Variants in TMEM45B observed in about 807,000 individuals in gnomAD.
The protein encoded by TMEM45B is transmembrane protein 45B.
Under a neutral mutation model 27.3 loss-of-function variants are expected in TMEM45B, and 29 were observed. The observed-to-expected ratio is 1.06, with a 90% CI of 0.79 to 1.45. TMEM45B has a LOEUF of 1.45. TMEM45B is among the 40% of genes most tolerant of loss of function. The pLI is 0.00. For missense variants in TMEM45B, 348 were observed against 343.9 expected, an observed-to-expected ratio of 1.01 and a Z score of -0.09; for synonymous variants, 143 against 134.7, an observed-to-expected ratio of 1.06 and a Z score of -0.43.
chr11:129,857,231 A>G, intron 4 of TMEM45B, 82 bp from the exon 5 acceptor site: 1 of 1,548,570 alleles, frequency 6.5e-7, no homozygotes, highest in Non-Finnish European at 8.8e-7. Context: ...CACATGGGCC[A>G]CTTCGGTGGC....
intron 5 of TMEM45B, 99 bp downstream of exon 5, chr11:129,857,557 T>G: frequency 7.2e-7 from 1 of 1,385,862 alleles, no homozygotes; most frequent in Non-Finnish European, 1.0e-6. Context: ...CAGGCCAAAT[T>G]CTGTGCAAGG....
At chr11:129,817,150 A>C (rs1358779941) in intron 1 of TMEM45B, among the ~76,000 whole-genome samples, 3 of 151,956 alleles carry the variant, frequency 2.0e-5, no homozygotes, top group Admixed American at 6.6e-5. Flanking sequence ...AGCCTTCCAA[A>C]CAGGCCTGCC....
chr11:129,822,090 T>G (rs1591432977), intron 1 of TMEM45B, among the ~76,000 whole-genome samples: 1 of 152,230 alleles, frequency 6.6e-6, no homozygotes, highest in African/African-American at 2.4e-5. Flanking sequence ...CATGTTTTTT[T>G]AGTTCTAATA....
intron 1 of TMEM45B, among the ~76,000 whole-genome samples, chr11:129,845,980 A>G (rs780843254): frequency 1.6e-4 from 24 of 152,206 alleles, no homozygotes; most frequent in African/African-American, 5.3e-4. Flanking sequence ...AGCCAGTTCA[A>G]TTTTAAAGAG....
At chr11:129,856,438 T>C (rs1947926327) in intron 4 of TMEM45B, among the ~76,000 whole-genome samples, 2 of 151,792 alleles carry the variant, frequency 1.3e-5, no homozygotes, top group East Asian at 1.9e-4. Flanking sequence ...CTCGAACTCC[T>C]GAACTCGAGT....
intron 1 of TMEM45B, among the ~76,000 whole-genome samples, chr11:129,843,499 G>C (rs989001490): frequency 6.6e-6 from 1 of 151,764 alleles, no homozygotes; most frequent in Non-Finnish European, 1.5e-5. Flanking sequence ...AAGTTATTTA[G>C]TGACTTAAAA....
At chr11:129,834,025 G>C (rs985832736) in intron 1 of TMEM45B, among the ~76,000 whole-genome samples, 1 of 152,246 alleles carries the variant, frequency 6.6e-6, no homozygotes, top group African/African-American at 2.4e-5. Context: ...CCAAGAAATA[G>C]CGTGCTGTTG....
chr11:129,846,851 C>T (rs1243441563), intron 1 of TMEM45B, among the ~76,000 whole-genome samples: 1 of 152,134 alleles, frequency 6.6e-6, no homozygotes, highest in Non-Finnish European at 1.5e-5. Flanking sequence ...GAACACTGTT[C>T]TAGAAGCCAC....
intron 1 of TMEM45B, among the ~76,000 whole-genome samples, chr11:129,845,661 A>G (rs1335741813): frequency 6.6e-6 from 1 of 152,216 alleles, no homozygotes; most frequent in Non-Finnish European, 1.5e-5. Flanking sequence ...AATGACAACT[A>G]TAAATATAAC....
chr11:129,850,999 C>A (rs1947839211), intron 1 of TMEM45B, among the ~76,000 whole-genome samples: 1 of 152,176 alleles, frequency 6.6e-6, no homozygotes, highest in Admixed American at 6.5e-5. Flanking sequence ...CTGTCTTAGT[C>A]CCTGTTGTGC....
intron 2 of TMEM45B, among the ~76,000 whole-genome samples, chr11:129,853,946 T>C (rs1947884297): frequency 6.6e-6 from 1 of 152,212 alleles, no homozygotes; most frequent in East Asian, 1.9e-4. Context: ...GTAGAAGGGA[T>C]AAGAACTAAG....
chr11:129,824,359 C>A (rs1005544546), intron 1 of TMEM45B, among the ~76,000 whole-genome samples: 6 of 152,150 alleles, frequency 3.9e-5, no homozygotes, highest in Non-Finnish European at 8.8e-5. Flanking sequence ...CACAATATGT[C>A]TGTATCTGTT....
intron 1 of TMEM45B, among the ~76,000 whole-genome samples, chr11:129,830,137 G>A (rs1947530964): frequency 6.6e-6 from 1 of 152,192 alleles, no homozygotes; most frequent in African/African-American, 2.4e-5. Flanking sequence ...AGACCAGCCT[G>A]GCCAACATGG....
At chr11:129,834,046 G>A (rs1947586940) in intron 1 of TMEM45B, among the ~76,000 whole-genome samples, 1 of 152,214 alleles carries the variant, frequency 6.6e-6, no homozygotes, top group South Asian at 2.1e-4. Flanking sequence ...AGCAGACGTG[G>A]CTTTGGAACT....
Position 129,826,482 on chromosome 11 carries a change from G to C in TMEM45B, c.-9+10584G>C, listed in dbSNP as rs376653762. Among the ~76,000 whole-genome samples, 17 of 143,892 alleles carry C rather than the reference G, an allele frequency of 1.2e-4. 1 individual carries two copies. In the East Asian group the frequency reaches 1.8e-3, roughly 15 times the overall value. The allele number at this position is 143,892 out of a possible 152,430, so 94.4% of individuals were successfully genotyped here. A position where few individuals can be genotyped will look rare whatever the true frequency, so the allele number is the denominator to read the frequency against. On this transcript the variant is annotated intron_variant, in intron 1 of 5. Transcript: ENST00000281441. ...GAGAATGGTGTGAACCCGGGAGGCA[G>C]AGCTTGCAGTGAGCCGAGATGGCGC... is the stretch of plus-strand genomic sequence containing the variant.
intron 4 of TMEM45B, 138 bp from the exon 5 acceptor site, chr11:129,857,175 G>C (rs1947940769): frequency 4.0e-6 from 4 of 1,002,396 alleles, no homozygotes; most frequent in Non-Finnish European, 3.0e-6. Flanking sequence ...TATGTGAAAA[G>C]GCCTTTCTAT....
At position 129,830,771 on chromosome 11, in the gene TMEM45B, A is replaced by T. The variant is rs140519011; in HGVS notation, c.-9+14873A>T. Among the ~76,000 whole-genome samples the T allele has an allele frequency of 8.1e-3, 1,237 of 152,350 alleles. 28 individuals are homozygous for T. Among genetic ancestry groups the T allele is most frequent in the African/African-American group, 0.027 (1,125 of 41,570 alleles). On this transcript the variant is annotated intron_variant, in intron 1 of 5. Transcript: ENST00000281441. ...CAAAATACCACTTCATACCCACTAG[A>T]ATGGCTAAATGAAAAAAGACATAAC... is the stretch of plus-strand genomic sequence containing the variant.
chr11:129,817,760 C>T (rs1258581691), intron 1 of TMEM45B, among the ~76,000 whole-genome samples: 1 of 152,144 alleles, frequency 6.6e-6, no homozygotes, highest in Non-Finnish European at 1.5e-5. Flanking sequence ...TTCTCATCTC[C>T]CCCCTACCTG....
intron 1 of TMEM45B, among the ~76,000 whole-genome samples, chr11:129,841,591 T>G (rs375807385): frequency 7.7e-6 from 1 of 129,328 alleles, no homozygotes; most frequent in East Asian, 2.4e-4. Context: ...TTTGTTTTTT[T>G]GTTTTTTTTT....
Sources: allele counts gnomAD v4.1 joint callset (sites outside exome capture counted in the v4.1 genomes callset), GRCh38; gene constraint gnomAD v4.1.1; transcripts MANE v1.5; gene names NCBI Gene and HGNC (gene_info 2026-07-23, HGNC 2026-07-21).